The following TBXAS1 variants were observed in gnomAD, a reference collection of about 807,000 sequenced individuals.
The protein encoded by TBXAS1 is thromboxane A synthase 1.
TBXAS1 carries 48 observed loss-of-function variants against 60.7 expected under a neutral mutation model. The ratio of observed to expected loss-of-function variants is 0.79; its 90% CI spans 0.63 to 1.01. The LOEUF (loss-of-function observed/expected upper bound fraction) is 1.01. Ranked by LOEUF, TBXAS1 falls within the 50% of genes least tolerant of loss-of-function variation. The probability of loss-of-function intolerance (pLI) is 0.00; values close to 1 mark genes in which losing one functional copy is unlikely to be tolerated. For missense variants in TBXAS1, 685 were observed against 686.3 expected, an observed-to-expected ratio of 1.00 and a Z score of 0.02; for synonymous variants, 287 against 269.7, an observed-to-expected ratio of 1.06 and a Z score of -0.63.
chr7:139,820,510 T>A (rs1231671011), intron 4 of TBXAS1, among the ~76,000 whole-genome samples: 2 of 152,210 alleles, frequency 1.3e-5, no homozygotes, highest in African/African-American at 4.8e-5. Context: ...TGATTGATGT[T>A]GACACGCCAA....
At chr7:139,947,320 A>C (rs988255005) in intron 5 of TBXAS1, among the ~76,000 whole-genome samples, 2 of 152,140 alleles carry the variant, frequency 1.3e-5, no homozygotes, top group Non-Finnish European at 2.9e-5. Flanking sequence ...AGGAACAGAA[A>C]ACCGAACACC....
intron 9 of TBXAS1, among the ~76,000 whole-genome samples, chr7:139,994,200 C>G (rs749522616): frequency 3.3e-5 from 5 of 152,220 alleles, no homozygotes; most frequent in African/African-American, 4.8e-5. Context: ...TGCCACCACA[C>G]TTGGCTAATT....
rs925782075 is a variant in TBXAS1, at chr7:139,834,373, A to G, written c.89+4894A>G. Among the ~76,000 whole-genome samples the G allele has an allele frequency of 3.3e-5, 5 of 152,230 alleles. No homozygotes were observed. The South Asian group carries it at 1.0e-3, about 31-fold the overall frequency. ...TACATCAAAAAGTCTGAAAGAGCAC[A>G]AACGGACAATCTAAGGTCACACCTC... On this transcript the variant is annotated intron_variant, in intron 1 of 12. Coordinates refer to ENST00000448866, the MANE Select transcript of TBXAS1 (RefSeq NM_001061.7).
intron 3 of TBXAS1, among the ~76,000 whole-genome samples, chr7:139,910,864 T>C (rs1263394318): frequency 6.6e-6 from 1 of 152,230 alleles, no homozygotes; most frequent in Non-Finnish European, 1.5e-5. Flanking sequence ...CCTCTGCCAT[T>C]TTCCTTCTTT....
chr7:139,972,167 C>A (rs572122383), intron 9 of TBXAS1, among the ~76,000 whole-genome samples: 1 of 152,350 alleles, frequency 6.6e-6, no homozygotes, highest in East Asian at 1.9e-4. Context: ...TGAGTCCCTG[C>A]AGAGCAGAGG....
intron 9 of TBXAS1, among the ~76,000 whole-genome samples, chr7:139,972,496 CA>C (rs1325517433): frequency 6.6e-6 from 1 of 152,106 alleles, no homozygotes; most frequent in African/African-American, 2.4e-5. Flanking sequence ...CTTAAAACAT[CA>C]AAAGAATGGG....
intron 9 of TBXAS1, among the ~76,000 whole-genome samples, chr7:139,978,572 C>A (rs550521746): frequency 6.6e-6 from 1 of 151,620 alleles, no homozygotes; most frequent in African/African-American, 2.4e-5. Flanking sequence ...TCATTGAACA[C>A]GCGCTCTGTT....
chr7:140,017,649 C>A, intron 11 of TBXAS1, 22 bp from the exon 12 acceptor site: 1 of 1,611,822 alleles, frequency 6.2e-7, no homozygotes, highest in Non-Finnish European at 8.5e-7. Context: ...TCTGGGCCAG[C>A]CCTGACCACA....
chr7:139,940,888 T>C (rs995565882), intron 5 of TBXAS1, among the ~76,000 whole-genome samples: 1 of 152,010 alleles, frequency 6.6e-6, no homozygotes, highest in Non-Finnish European at 1.5e-5. Context: ...ATGATGAAAC[T>C]AAGCTAAAAA....
At chr7:139,890,392 T>C (rs1053829394) in intron 3 of TBXAS1, among the ~76,000 whole-genome samples, 2 of 152,060 alleles carry the variant, frequency 1.3e-5, no homozygotes, top group Non-Finnish European at 2.9e-5. Context: ...ATTTTTTGTA[T>C]TTTTAGGAGA....
intron 4 of TBXAS1, among the ~76,000 whole-genome samples, chr7:139,819,619 C>T (rs1798242957): frequency 6.6e-6 from 1 of 152,210 alleles, no homozygotes; most frequent in South Asian, 2.1e-4. Context: ...TCTCCTGCCT[C>T]AGCCTCCCTA....
chr7:139,809,365 T>TAGATAGAC (rs1301759140), intron 4 of TBXAS1, among the ~76,000 whole-genome samples: 7 of 136,950 alleles, frequency 5.1e-5, no homozygotes, highest in Non-Finnish European at 9.6e-5. Context: ...GATAGATAGA[T>TAGATAGAC]AGACAGACAG....
intron 1 of TBXAS1, among the ~76,000 whole-genome samples, chr7:139,862,625 T>C (rs1801050459): frequency 6.6e-6 from 1 of 152,090 alleles, no homozygotes. Context: ...TCCTTTAAGA[T>C]GGAAGACACT....
intron 4 of TBXAS1, among the ~76,000 whole-genome samples, chr7:139,823,139 A>G (rs926323006): frequency 2.0e-5 from 3 of 151,398 alleles, no homozygotes; most frequent in Admixed American, 1.3e-4. Flanking sequence ...TCTAAGCTCA[A>G]ATGTCATTAG....
chr7:139,906,674 G>A (rs1044683933), intron 3 of TBXAS1, among the ~76,000 whole-genome samples: 6 of 152,110 alleles, frequency 3.9e-5, no homozygotes, highest in African/African-American at 1.2e-4. Context: ...CTGAGACTTT[G>A]ATTGGAATTG....
chr7:139,803,407 A>G (rs1797768125), intron 4 of TBXAS1, among the ~76,000 whole-genome samples: 1 of 152,196 alleles, frequency 6.6e-6, no homozygotes, highest in South Asian at 2.1e-4. Context: ...TTCTAAGCAG[A>G]AAAGTATTCA....
At chr7:139,862,673 G>A (rs1801053296) in intron 1 of TBXAS1, among the ~76,000 whole-genome samples, 1 of 152,182 alleles carries the variant, frequency 6.6e-6, no homozygotes, top group African/African-American at 2.4e-5. Context: ...CAGTAGAAAT[G>A]GAGAAATCAA....
At chr7:139,946,339 CAAAAG>C (rs1311918528) in intron 5 of TBXAS1, among the ~76,000 whole-genome samples, 2 of 152,058 alleles carry the variant, frequency 1.3e-5, no homozygotes, top group Non-Finnish European at 2.9e-5. Flanking sequence ...GATCCTGTCT[CAAAAG>C]AAAAGAAAAG....
chr7:139,797,397 G>A (rs1797601174), intron 4 of TBXAS1: 1 of 152,118 alleles, frequency 6.6e-6, no homozygotes, highest in Admixed American at 6.5e-5. Flanking sequence ...GGTCAGGCAG[G>A]GGTTTGGCCA....
Sources: gnomAD v4.1 joint callset for allele counts (sites outside exome capture counted in the v4.1 genomes callset) on GRCh38, gnomAD v4.1.1 for gene constraint, MANE v1.5 for transcripts, NCBI Gene and HGNC (gene_info 2026-07-23, HGNC 2026-07-21) for gene names.